The following MRPS31 variants were observed in gnomAD, a reference collection of about 807,000 sequenced individuals.
MRPS31 encodes the protein mitochondrial ribosomal protein S31.
Under a neutral mutation model 43.1 loss-of-function variants are expected in MRPS31, and 32 were observed. That is an observed-to-expected ratio of 0.74 (90% CI 0.56 to 1.00). The LOEUF is 1.00. Among genes scored for constraint, MRPS31 ranks in the 50% least tolerant of loss-of-function variants. MRPS31 has a pLI of 0.00. For missense variants in MRPS31, 437 were observed against 466.7 expected, an observed-to-expected ratio of 0.94 and a Z score of 0.59; for synonymous variants, 165 against 161.6, an observed-to-expected ratio of 1.02 and a Z score of -0.16.
intron 6 of MRPS31, among the ~76,000 whole-genome samples, chr13:40,743,531 G>A (rs1006500219): frequency 6.6e-6 from 1 of 152,066 alleles, no homozygotes; most frequent in Non-Finnish European, 1.5e-5. Context: ...CCTATTAAAA[G>A]GTGGGCAAAG....
At position 40,767,044 on chromosome 13, in the gene MRPS31, G is replaced by T; in HGVS notation, c.153-11C>A. ...ATGTTATTTTTTGTCCTGGAAAGAT[G>T]CATTAAAGAAAAAAATGAAAAATAC... is the stretch of plus-strand genomic sequence containing the variant. On this transcript the variant is annotated splice_polypyrimidine_tract_variant and intron_variant, in intron 1 of 6. Transcript: ENST00000323563. The T allele has an allele frequency of 6.3e-7, 1 of 1,579,780 alleles. No homozygotes were observed. The highest frequency in any genetic ancestry group is 8.6e-7 in the Non-Finnish European group (1 of 1,167,510).
rs978196166 is a variant in MRPS31, at chr13:40,762,469, T to C, written c.441-3363A>G. Among the ~76,000 whole-genome samples the C allele has an allele frequency of 3.2e-3, 448 of 141,738 alleles. 4 individuals carry two copies. Among genetic ancestry groups the C allele is most frequent in the African/African-American group, 0.011 (392 of 36,954 alleles). 93.0% of individuals were successfully genotyped at this position (141,738 alleles called of 152,430 possible). A position where few individuals can be genotyped will look rare whatever the true frequency, so the allele number is the denominator to read the frequency against. On this transcript the variant is annotated intron_variant, in intron 2 of 6. Coordinates refer to ENST00000323563, the MANE Select transcript of MRPS31 (RefSeq NM_005830.4). ...GCCCCCTCATTCTTTTTTTTTTTTT[T>C]CCCACCCAGGCTGGAGTACAGTGAC...
chr13:40,740,805 AG>A (rs1388418228), intron 6 of MRPS31, among the ~76,000 whole-genome samples: 1 of 93,256 alleles, frequency 1.1e-5, no homozygotes, highest in African/African-American at 4.2e-5. Flanking sequence ...GGGAGGGGGG[AG>A]GGATAGCACT....
intron 6 of MRPS31, among the ~76,000 whole-genome samples, chr13:40,746,114 C>T (rs1302241017): frequency 6.6e-6 from 1 of 152,118 alleles, no homozygotes; most frequent in Non-Finnish European, 1.5e-5. Flanking sequence ...ATTGTAAACA[C>T]GATATGTCAC....
intron 2 of MRPS31, 72 bp from the exon 3 acceptor site, chr13:40,759,178 C>T: frequency 8.0e-7 from 1 of 1,245,022 alleles, no homozygotes; most frequent in Non-Finnish European, 1.1e-6. Flanking sequence ...TGGCTCATGC[C>T]TGTAATTCCA....
At chr13:40,756,414 T>G (rs1253666650) in intron 4 of MRPS31, among the ~76,000 whole-genome samples, 1 of 152,200 alleles carries the variant, frequency 6.6e-6, no homozygotes, top group African/African-American at 2.4e-5. Flanking sequence ...TTATATAAAC[T>G]TTTTTCCTCC....
chr13:40,737,636 C>T (rs543232640), intron 6 of MRPS31, among the ~76,000 whole-genome samples: 2 of 152,288 alleles, frequency 1.3e-5, no homozygotes, highest in East Asian at 1.9e-4. Flanking sequence ...AAGAATCTCA[C>T]TCAAAACTGC....
At chr13:40,743,296 C>A (rs1880152455) in intron 6 of MRPS31, among the ~76,000 whole-genome samples, 1 of 146,182 alleles carries the variant, frequency 6.8e-6, no homozygotes. Context: ...GCCTGGGCAA[C>A]AAGAGCGAAA....
intron 6 of MRPS31, among the ~76,000 whole-genome samples, chr13:40,731,757 A>T (rs867772932): frequency 1.3e-5 from 2 of 152,224 alleles, no homozygotes; most frequent in African/African-American, 4.8e-5. Flanking sequence ...AATTCACCTT[A>T]AACACCACAT....
chr13:40,730,032 G>A (rs1879633648), intron 6 of MRPS31, among the ~76,000 whole-genome samples: 1 of 151,600 alleles, frequency 6.6e-6, no homozygotes, highest in Non-Finnish European at 1.5e-5. Context: ...GCCTGGCCCG[G>A]AGTTAGATCT....
chr13:40,729,782 G>C (rs367733749), intron 6 of MRPS31, among the ~76,000 whole-genome samples, 181 bp from the exon 7 acceptor site: 2 of 149,182 alleles, frequency 1.3e-5, no homozygotes, highest in East Asian at 2.0e-4. Flanking sequence ...AGGTTGAAGT[G>C]GAGTGGCACG....
Position 40,729,364 on chromosome 13 carries a change from C to T in MRPS31, c.*8G>A. ...CTCTAATTGTTTGAAATAAAAATTT[C>T]CATGGTCTTAATTGAACTGTATGTT... On this transcript the variant is annotated 3_prime_UTR_variant, in exon 7 of 7. Coordinates refer to ENST00000323563, the MANE Select transcript of MRPS31 (RefSeq NM_005830.4). 1 of 1,349,956 alleles carries T rather than the reference C, an allele frequency of 7.4e-7. No individual in the cohort carries two copies. The allele number at this position is 1,349,956 out of a possible 1,614,324, so 83.6% of individuals were successfully genotyped here. A position where few individuals can be genotyped will look rare whatever the true frequency, so the allele number is the denominator to read the frequency against.
In MRPS31 at chr13:40,766,979, C is replaced by G; in HGVS notation, c.207G>C (p.Lys69Asn). The change falls in exon 2 of 7, where the codon AAG becomes AAC. Residue 69 changes from lysine to asparagine, a missense_variant. By Grantham distance (94) the Lys-to-Asn change is moderately conservative (BLOSUM62 0). Transcript: ENST00000323563. ...CAGTTCGAACAGACTGCTTATCTTTCTTGCTACAGATCACACTGTTAGTGC... is the reference window on the plus strand; with the variant it reads ...CAGTTCGAACAGACTGCTTATCTTTGTTGCTACAGATCACACTGTTAGTGC... ...YFGTNSVICSKKDKQSVRTEE... is the reference protein window; with the variant it reads ...YFGTNSVICSNKDKQSVRTEE... 6.2e-7 allele frequency: 1 copy of G among 1,614,056 alleles called. No homozygotes were observed. Among genetic ancestry groups the G allele is most frequent in the Non-Finnish European group, 8.5e-7 (1 of 1,179,998 alleles).
chr13:40,750,627 A>G (rs923691533), intron 5 of MRPS31, among the ~76,000 whole-genome samples: 7 of 151,370 alleles, frequency 4.6e-5, no homozygotes, highest in Non-Finnish European at 1.0e-4. Context: ...TTATTTTACC[A>G]ACATCTTTTA....
intron 6 of MRPS31, among the ~76,000 whole-genome samples, chr13:40,747,765 C>T (rs1268947559): frequency 6.6e-6 from 1 of 152,072 alleles, no homozygotes; most frequent in East Asian, 1.9e-4. Context: ...ATTGCTTGAA[C>T]CCGGGAGGAG....
At chr13:40,763,565 T>C (rs1264260567) in intron 2 of MRPS31, among the ~76,000 whole-genome samples, 1 of 152,126 alleles carries the variant, frequency 6.6e-6, no homozygotes, top group Non-Finnish European at 1.5e-5. Context: ...GCCTATAGTA[T>C]AGCTGAAATT....
intron 2 of MRPS31, 63 bp downstream of exon 2, chr13:40,766,683 T>A (rs1880856751): frequency 6.9e-7 from 1 of 1,453,382 alleles, no homozygotes. Flanking sequence ...TTAAAAATAT[T>A]TTTTACCAAA....
chr13:40,741,446 C>A (rs9549279), intron 6 of MRPS31, among the ~76,000 whole-genome samples: 4 of 152,012 alleles, frequency 2.6e-5, no homozygotes, highest in Middle Eastern at 3.4e-3. Context: ...ATGTAAAAAC[C>A]TAAGTCACAG....
intron 6 of MRPS31, among the ~76,000 whole-genome samples, chr13:40,738,556 C>T (rs939550790): frequency 1.8e-4 from 27 of 151,834 alleles, no homozygotes; most frequent in Admixed American, 1.7e-3. Flanking sequence ...ACTGGCAAAC[C>T]GAATCCAGCA....
Sources: allele counts gnomAD v4.1 joint callset (sites outside exome capture counted in the v4.1 genomes callset), GRCh38; gene constraint gnomAD v4.1.1; transcripts MANE v1.5; gene names NCBI Gene and HGNC (gene_info 2026-07-23, HGNC 2026-07-21).